ANKRD30A: variants seen among roughly 807,000 people sequenced by gnomAD.
ANKRD30A encodes the protein ankyrin repeat domain-containing protein 30A.
In ANKRD30A, 170 loss-of-function variants were observed where a neutral mutation model predicts 166.3. The ratio of observed to expected loss-of-function variants is 1.02; its 90% CI spans 0.90 to 1.16. The LOEUF is 1.16. Ranked by LOEUF, ANKRD30A falls within the 50% of genes most tolerant of loss-of-function variation. ANKRD30A has a pLI of 0.00. For synonymous variants in ANKRD30A, 564 were observed against 508.9 expected, an observed-to-expected ratio of 1.11 and a Z score of -1.46; for missense variants, 1,630 against 1,518.0, an observed-to-expected ratio of 1.07 and a Z score of -1.23.
At chr10:37,190,979 A>G (rs1840515263) in intron 25 of ANKRD30A, among the ~76,000 whole-genome samples, 1 of 151,902 alleles carries the variant, frequency 6.6e-6, no homozygotes, top group South Asian at 2.1e-4. Flanking sequence ...ATAACATGCT[A>G]CACGAAACCA....
chr10:37,236,949 A>G (rs1190257587), downstream of ANKRD30A, among the ~76,000 whole-genome samples: 1 of 152,166 alleles, frequency 6.6e-6, no homozygotes, highest in African/African-American at 2.4e-5. Flanking sequence ...TTCTTTACAA[A>G]TAGATTATAT....
At chr10:37,135,892 G>A (rs1374390671) in intron 5 of ANKRD30A, among the ~76,000 whole-genome samples, 1 of 152,134 alleles carries the variant, frequency 6.6e-6, no homozygotes, top group Admixed American at 6.5e-5. Flanking sequence ...ATAACCAAAA[G>A]TAGGAATTAA....
chr10:37,167,064 T>C (rs1485613632), intron 19 of ANKRD30A, among the ~76,000 whole-genome samples: 7 of 151,890 alleles, frequency 4.6e-5, no homozygotes, highest in Non-Finnish European at 8.8e-5. Flanking sequence ...GAAATGATTG[T>C]TTAGGAAAGA....
intron 17 of ANKRD30A, among the ~76,000 whole-genome samples, chr10:37,163,075 A>G (rs1222908784): frequency 2.0e-5 from 3 of 151,952 alleles, no homozygotes; most frequent in African/African-American, 7.3e-5. Context: ...CTACTTTTGT[A>G]TCCTGAAACT....
At chr10:37,234,792 A>G (rs114260254), downstream of ANKRD30A, among the ~76,000 whole-genome samples, 377 of 152,290 alleles carry the variant, frequency 2.5e-3, no homozygotes, top group Middle Eastern at 0.02. Context: ...TTCTAAATGT[A>G]GTTATATAGA....
chr10:37,165,029 T>A (rs1392336817), intron 17 of ANKRD30A, 65 bp from the exon 18 acceptor site: 1 of 1,481,362 alleles, frequency 6.8e-7, no homozygotes, highest in East Asian at 2.3e-5. Context: ...TAGATTTGTA[T>A]ATGTTTTTAA....
intron 13 of ANKRD30A, among the ~76,000 whole-genome samples, chr10:37,158,146 A>C (rs549028207): frequency 6.6e-6 from 1 of 152,138 alleles, no homozygotes; most frequent in Admixed American, 6.5e-5. Flanking sequence ...TGTCACCTTA[A>C]ATATATTTTC....
At chr10:37,145,084 T>TA in intron 8 of ANKRD30A, 28 bp downstream of exon 8, 1 of 1,481,940 alleles carries the variant, frequency 6.7e-7, no homozygotes, top group Non-Finnish European at 9.2e-7. Context: ...TGTTATTCTC[T>TA]AAAAATATTA....
intron 24 of ANKRD30A, among the ~76,000 whole-genome samples, chr10:37,179,039 T>C (rs1336292942): frequency 1.4e-4 from 17 of 121,362 alleles, no homozygotes; most frequent in Middle Eastern, 4.6e-3. Flanking sequence ...TATATATATA[T>C]ATATATATAT....
chr10:37,158,981 C>T lies in ANKRD30A; in HGVS notation c.1900+395C>T, dbSNP rs1013422977. On this transcript the variant is annotated intron_variant, in intron 15 of 35. Coordinates refer to ENST00000361713, the MANE Select transcript of ANKRD30A (RefSeq NM_052997.3). Reference sequence around the variant, plus strand: ...CTGACATGACAGTTGTGAGTGTTGCCACTCAGAGAATATTAAGAAAATCAG... The same window carrying T: ...CTGACATGACAGTTGTGAGTGTTGCTACTCAGAGAATATTAAGAAAATCAG... 2.0e-5 allele frequency among the ~76,000 whole-genome samples: 3 copies of T among 152,222 alleles called. No homozygotes were observed. In the East Asian group the frequency reaches 5.8e-4, roughly 29 times the overall value.
chr10:37,153,153 G>A (rs1215270569), intron 12 of ANKRD30A, among the ~76,000 whole-genome samples: 2 of 152,140 alleles, frequency 1.3e-5, no homozygotes, highest in African/African-American at 4.8e-5. Flanking sequence ...ACAGTTCTGT[G>A]ATCATGAATA....
At chr10:37,225,822 TA>T (rs1843121990) in intron 34 of ANKRD30A, among the ~76,000 whole-genome samples, 2 of 151,800 alleles carry the variant, frequency 1.3e-5, no homozygotes, top group Non-Finnish European at 2.9e-5. Flanking sequence ...GAGATATAAT[TA>T]ACATGCCATG....
chr10:37,197,464 AC>A lies in ANKRD30A; in HGVS notation c.2701del (p.Gln901LysfsTer3), dbSNP rs1841225974. 6.2e-7 allele frequency: 1 copy of A among 1,612,316 alleles called. No individual in the cohort carries two copies. The highest frequency in any genetic ancestry group is 1.1e-5 in the South Asian group (1 of 91,016). On this transcript the variant is annotated frameshift_variant, in exon 29 of 36. Transcript: ENST00000361713. LOFTEE classifies it high-confidence loss of function. ...PNKALELKNE[Q>X]TLRADQMFPS... Reference sequence around the variant, plus strand: ...ATAAAGCCTTGGAATTGAAGAATGAACAAACATTGAGAGCAGGTACATTTTT... The same window carrying A: ...ATAAAGCCTTGGAATTGAAGAATGAAAAACATTGAGAGCAGGTACATTTTT...
chr10:37,201,609 G>T (rs183540104), intron 31 of ANKRD30A, among the ~76,000 whole-genome samples: 1 of 152,164 alleles, frequency 6.6e-6, no homozygotes, highest in East Asian at 1.9e-4. Context: ...AGGAAATGAA[G>T]ACTGAGAAAG....
rs1341185361 is a variant in ANKRD30A, at chr10:37,164,993, A to G, written c.2003-101A>G. 4 of 1,283,700 alleles carry G rather than the reference A, an allele frequency of 3.1e-6. No homozygotes were observed. The African/African-American group carries it at 4.4e-5, about 14-fold the overall frequency. 79.5% of individuals were successfully genotyped at this position (1,283,700 alleles called of 1,614,324 possible). On this transcript the variant is annotated intron_variant, in intron 17 of 35. Coordinates refer to ENST00000361713, the MANE Select transcript of ANKRD30A (RefSeq NM_052997.3). ...AAAAAGAACATATGGGCCACAGAGG[A>G]AAATCCACAGATTCGTGAATGAAAG...
chr10:37,217,780 G>C lies in ANKRD30A; in HGVS notation c.3169G>C (p.Glu1057Gln), dbSNP rs373040007. 144 of 1,598,702 alleles carry C rather than the reference G, an allele frequency of 9.0e-5. 2 individuals are homozygous for C. In the South Asian group the frequency reaches 1.6e-3, roughly 17 times the overall value. ...TAGGGAAGAATTAGGAAGAATCGAAGAGCAGCATAGGAAAGAGTTAGAAGT... is the reference window on the plus strand; with the variant it reads ...TAGGGAAGAATTAGGAAGAATCGAACAGCAGCATAGGAAAGAGTTAGAAGT... Reference protein sequence around the residue: ...KIREELGRIEEQHRKELEVKQ... With the variant: ...KIREELGRIEQQHRKELEVKQ... The change falls in exon 33 of 36, where the codon GAG becomes CAG. Residue 1057 changes from glutamate to glutamine, a missense_variant. Around this residue, in one of 4 missense-constraint regions of ANKRD30A, gnomAD observed 712 missense variants for 629.3 expected, o/e 1.13. Transcript: ENST00000361713.
chr10:37,265,629 T>G, the ANKRD30A span, among the ~76,000 whole-genome samples: 3 of 152,196 alleles, frequency 2.0e-5, no homozygotes, highest in Non-Finnish European at 4.4e-5. Flanking sequence ...TTGCACAACC[T>G]TAGGCCCAAG....
intron 27 of ANKRD30A, 21 bp from the exon 28 acceptor site, chr10:37,197,260 T>C (rs766697332): frequency 6.3e-7 from 1 of 1,583,684 alleles, no homozygotes; most frequent in Non-Finnish European, 8.7e-7. Context: ...TGATTGATGA[T>C]AAATCTCTTT....
intron 9 of ANKRD30A, among the ~76,000 whole-genome samples, chr10:37,148,457 A>AC (rs1376908004): frequency 6.6e-6 from 1 of 152,128 alleles, no homozygotes; most frequent in Non-Finnish European, 1.5e-5. Flanking sequence ...CTAGGAAGTT[A>AC]GAGTTTTTTT....
Sources: gnomAD v4.1 joint callset for allele counts (sites outside exome capture counted in the v4.1 genomes callset) on GRCh38, gnomAD v4.1.1 for gene constraint, gnomAD v4.1.1 regional missense constraint, MANE v1.5 for transcripts, NCBI Gene and HGNC (gene_info 2026-07-23, HGNC 2026-07-21) for gene names.